Variants in ENOX1 observed in about 807,000 individuals in gnomAD.
ENOX1 encodes ecto-NOX disulfide-thiol exchanger 1.
A neutral mutation model predicts 82.5 loss-of-function variants in ENOX1; 42 were observed. The observed-to-expected ratio is 0.51, with a 90% CI of 0.40 to 0.66. The LOEUF is 0.66. ENOX1 is among the 30% of genes least tolerant of loss of function. The pLI is 0.00. For missense variants in ENOX1, 608 were observed against 811.6 expected (o/e 0.75, Z 3.05); for synonymous variants, 271 against 282.2 (o/e 0.96, Z 0.40).
intron 14 of ENOX1, among the ~76,000 whole-genome samples, chr13:43,254,243 G>T (rs2043622032): frequency 6.6e-6 from 1 of 152,104 alleles, no homozygotes; most frequent in Admixed American, 6.5e-5. Context: ...CACAAAGAAG[G>T]TTCGGACATA....
At chr13:43,491,983 A>G (rs1336137707) in intron 2 of ENOX1, among the ~76,000 whole-genome samples, 1 of 152,164 alleles carries the variant, frequency 6.6e-6, no homozygotes, top group African/African-American at 2.4e-5. Flanking sequence ...TGGTCTGCTC[A>G]CTATGTTATA....
intron 12 of ENOX1, among the ~76,000 whole-genome samples, chr13:43,272,414 G>C (rs1566389358): frequency 6.6e-6 from 1 of 152,176 alleles, no homozygotes; most frequent in Non-Finnish European, 1.5e-5. Flanking sequence ...TCTCTGGGAT[G>C]GTTATGCCAG....
chr13:43,737,982 T>C (rs1227874406), intron 1 of ENOX1, among the ~76,000 whole-genome samples: 1 of 152,236 alleles, frequency 6.6e-6, no homozygotes, highest in African/African-American at 2.4e-5. Flanking sequence ...TTTTAAACCA[T>C]TTTTGTGTCC....
intron 2 of ENOX1, among the ~76,000 whole-genome samples, chr13:43,663,633 C>A (rs761318082): frequency 3.9e-5 from 6 of 152,028 alleles, no homozygotes; most frequent in Non-Finnish European, 7.4e-5. Context: ...TGATACTATG[C>A]CCAGAACAAT....
intron 2 of ENOX1, among the ~76,000 whole-genome samples, chr13:43,640,751 T>C (rs1319899551): frequency 6.6e-6 from 1 of 152,150 alleles, no homozygotes; most frequent in Non-Finnish European, 1.5e-5. Flanking sequence ...ATTAAAACTG[T>C]AAAATCAAAT....
At chr13:43,465,971 C>A (rs1217920642) in intron 3 of ENOX1, among the ~76,000 whole-genome samples, 1 of 151,914 alleles carries the variant, frequency 6.6e-6, no homozygotes, top group Non-Finnish European at 1.5e-5. Context: ...TATTCATTAC[C>A]ATCACTCCAA....
At chr13:43,393,890 T>C (rs978771268) in intron 5 of ENOX1, among the ~76,000 whole-genome samples, 9 of 152,296 alleles carry the variant, frequency 5.9e-5, no homozygotes, top group Admixed American at 2.6e-4. Flanking sequence ...TGATCCCTCA[T>C]GGATAGCCCC....
At chr13:43,528,117 G>A (rs1459916544) in intron 2 of ENOX1, among the ~76,000 whole-genome samples, 1 of 152,074 alleles carries the variant, frequency 6.6e-6, no homozygotes, top group South Asian at 2.1e-4. Flanking sequence ...TCATATGAGT[G>A]TGTTTCCTTT....
At chr13:43,220,464 G>A (rs2041729041) in intron 16 of ENOX1, among the ~76,000 whole-genome samples, 1 of 152,130 alleles carries the variant, frequency 6.6e-6, no homozygotes, top group African/African-American at 2.4e-5. Flanking sequence ...TCATGTCTGA[G>A]TCTCAAATCA....
chr13:43,227,595 G>A (rs1232027606), intron 15 of ENOX1, among the ~76,000 whole-genome samples: 3 of 152,194 alleles, frequency 2.0e-5, no homozygotes, highest in Non-Finnish European at 4.4e-5. Context: ...GAAGGATGGA[G>A]TAACTTGGAT....
At chr13:43,610,947 G>T (rs1285286745) in intron 2 of ENOX1, among the ~76,000 whole-genome samples, 3 of 152,134 alleles carry the variant, frequency 2.0e-5, no homozygotes, top group African/African-American at 7.2e-5. Flanking sequence ...TCTAAAATAG[G>T]ATGGTGGTGG....
chr13:43,341,634 TACTGGG>T, intron 9 of ENOX1, among the ~76,000 whole-genome samples: 1 of 152,148 alleles, frequency 6.6e-6, no homozygotes. Context: ...TCAAACGGTT[TACTGGG>T]GAAGACATGA....
At chr13:43,749,590 G>A (rs1950206605) in intron 1 of ENOX1, among the ~76,000 whole-genome samples, 1 of 152,204 alleles carries the variant, frequency 6.6e-6, no homozygotes, top group South Asian at 2.1e-4. Flanking sequence ...CAGGGAACCA[G>A]CTTTGCTCCT....
chr13:43,759,254 G>A (rs1263457640), intron 1 of ENOX1, among the ~76,000 whole-genome samples: 4 of 151,658 alleles, frequency 2.6e-5, no homozygotes, highest in Non-Finnish European at 4.4e-5. Context: ...CTGCCACCAC[G>A]CCCGGCTAAT....
At chr13:43,407,648 T>G (rs185999629) in intron 5 of ENOX1, among the ~76,000 whole-genome samples, 2 of 152,328 alleles carry the variant, frequency 1.3e-5, no homozygotes, top group African/African-American at 2.4e-5. Context: ...AACTACTTAT[T>G]GCACATTAGC....
chr13:43,329,990 T>C (rs1357070875), intron 9 of ENOX1, among the ~76,000 whole-genome samples: 2 of 152,184 alleles, frequency 1.3e-5, no homozygotes, highest in Non-Finnish European at 2.9e-5. Flanking sequence ...ATGAATGTCA[T>C]TCAAAGACAG....
chr13:43,594,116 T>C (rs1467660234), intron 2 of ENOX1, among the ~76,000 whole-genome samples: 2 of 152,194 alleles, frequency 1.3e-5, no homozygotes, highest in Non-Finnish European at 2.9e-5. Flanking sequence ...CTCTGCACCA[T>C]CCAGAGATAC....
chr13:43,319,199 A>AATAAATCT (rs2047675856), intron 11 of ENOX1, among the ~76,000 whole-genome samples: 1 of 152,224 alleles, frequency 6.6e-6, no homozygotes, highest in East Asian at 1.9e-4. Context: ...TGAATGCTTC[A>AATAAATCT]ATAAATCTGT....
At chr13:43,547,181 G>C (rs2079009327) in intron 2 of ENOX1, 1 of 152,204 alleles carries the variant, frequency 6.6e-6, no homozygotes, top group Admixed American at 6.5e-5. Context: ...CAGGTTCACA[G>C]ACCAACTGGG....
Sources: gnomAD v4.1 joint callset for allele counts (sites outside exome capture counted in the v4.1 genomes callset) on GRCh38, gnomAD v4.1.1 for gene constraint, MANE v1.5 for transcripts, NCBI Gene and HGNC (gene_info 2026-07-23, HGNC 2026-07-21) for gene names.